Variants in TTC28 observed in about 807,000 individuals in gnomAD.
The protein encoded by TTC28 is tetratricopeptide repeat protein 28.
Under a neutral mutation model 198.0 loss-of-function variants are expected in TTC28, and 61 were observed. That is an observed-to-expected ratio of 0.31 (90% CI 0.25 to 0.38). The LOEUF is 0.38. TTC28 is among the 10% of genes least tolerant of loss of function. The pLI is 1.00. For missense variants in TTC28, 2,678 were observed against 3,164.0 expected (o/e 0.85, Z 3.69); for synonymous variants, 1,171 against 1,297.8 (o/e 0.90, Z 2.10).
At chr22:28,581,927 A>C (rs888724698) in intron 2 of TTC28, among the ~76,000 whole-genome samples, 1 of 152,202 alleles carries the variant, frequency 6.6e-6, no homozygotes, top group Non-Finnish European at 1.5e-5. Flanking sequence ...GACTTTATAG[A>C]CTTTTGAAAC....
intron 2 of TTC28, among the ~76,000 whole-genome samples, chr22:28,509,296 AAC>A (rs1453920405): frequency 6.6e-6 from 1 of 152,216 alleles, no homozygotes; most frequent in Non-Finnish European, 1.5e-5. Flanking sequence ...TTGGATTTAA[AAC>A]AGTCTTCAGC....
At chr22:28,349,495 G>A (rs1326726089) in intron 2 of TTC28, among the ~76,000 whole-genome samples, 1 of 152,112 alleles carries the variant, frequency 6.6e-6, no homozygotes, top group Non-Finnish European at 1.5e-5. Flanking sequence ...AAAGAATACT[G>A]CAGAGAAAGC....
At chr22:28,335,433 A>C (rs1202907594) in intron 2 of TTC28, among the ~76,000 whole-genome samples, 2 of 152,156 alleles carry the variant, frequency 1.3e-5, no homozygotes, top group African/African-American at 4.8e-5. Context: ...TGAATCTATA[A>C]ATTACCTTGG....
intron 2 of TTC28, among the ~76,000 whole-genome samples, chr22:28,313,808 A>G (rs113949461): frequency 0.021 from 3,209 of 152,284 alleles, 31 homozygotes; most frequent in Non-Finnish European, 0.026. Flanking sequence ...GCACAAGACA[A>G]GGATGCCCTC....
intron 12 of TTC28, among the ~76,000 whole-genome samples, chr22:28,060,425 C>T (rs1396284804): frequency 6.6e-6 from 1 of 152,206 alleles, no homozygotes; most frequent in Non-Finnish European, 1.5e-5. Context: ...AGGACATGAA[C>T]TCATCCTTTT....
At chr22:28,180,906 A>G (rs1923631843) in intron 5 of TTC28, among the ~76,000 whole-genome samples, 1 of 152,184 alleles carries the variant, frequency 6.6e-6, no homozygotes, top group African/African-American at 2.4e-5. Flanking sequence ...ATTTACTACC[A>G]TCAATCTAAC....
chr22:28,013,683 C>T (rs1228313428), intron 14 of TTC28, among the ~76,000 whole-genome samples: 1 of 152,182 alleles, frequency 6.6e-6, no homozygotes, highest in African/African-American at 2.4e-5. Flanking sequence ...GGGAAGCATT[C>T]ATTCCCAGTA....
intron 5 of TTC28, among the ~76,000 whole-genome samples, chr22:28,188,496 AT>A: frequency 6.6e-6 from 1 of 152,208 alleles, no homozygotes; most frequent in Admixed American, 6.5e-5. Flanking sequence ...ATATAAACTT[AT>A]ATAAAAAGCA....
intron 5 of TTC28, among the ~76,000 whole-genome samples, chr22:28,266,905 G>C (rs1271321885): frequency 6.6e-6 from 1 of 152,134 alleles, no homozygotes; most frequent in Non-Finnish European, 1.5e-5. Context: ...GACTTCACCA[G>C]AATGACTACA....
At chr22:28,406,326 G>C (rs2046997613) in intron 2 of TTC28, among the ~76,000 whole-genome samples, 1 of 152,192 alleles carries the variant, frequency 6.6e-6, no homozygotes. Flanking sequence ...TTATTAACGA[G>C]ACTAGAATTA....
chr22:28,550,640 G>A (rs1325572656), intron 2 of TTC28, among the ~76,000 whole-genome samples: 1 of 152,000 alleles, frequency 6.6e-6, no homozygotes, highest in Non-Finnish European at 1.5e-5. Flanking sequence ...AGAGAAAAAT[G>A]AAACATTAAA....
intron 12 of TTC28, among the ~76,000 whole-genome samples, chr22:28,040,535 G>A (rs1030144656): frequency 1.3e-5 from 2 of 152,106 alleles, no homozygotes; most frequent in African/African-American, 4.8e-5. Flanking sequence ...AAATTCAACA[G>A]CCCTTCATGC....
chr22:28,610,649 C>T (rs1418742705), intron 2 of TTC28, among the ~76,000 whole-genome samples: 3 of 152,064 alleles, frequency 2.0e-5, no homozygotes, highest in Non-Finnish European at 4.4e-5. Flanking sequence ...TTCCAAAAAC[C>T]AGAACGCCTC....
intron 2 of TTC28, among the ~76,000 whole-genome samples, chr22:28,617,512 G>A (rs1267917532): frequency 1.3e-5 from 2 of 151,786 alleles, no homozygotes; most frequent in African/African-American, 4.8e-5. Context: ...AATAAAGGGG[G>A]CATATGATAT....
rs185095451 is a variant in TTC28 at position 28,486,986 on chromosome 22, C to T, written c.381+142566G>A. On this transcript the variant is annotated intron_variant, in intron 2 of 22. Coordinates refer to ENST00000397906, the MANE Select transcript of TTC28 (RefSeq NM_001145418.2). The stretch of plus-strand genomic sequence containing the variant: ...AATGATCAAAAATCTGAGTACAGTG[C>T]GAGACCTTCTGATGCCAAATGATCC... Among the ~76,000 whole-genome samples, 13 of 152,222 alleles carry T rather than the reference C, an allele frequency of 8.5e-5. No individual in the cohort carries two copies. In the East Asian group the frequency reaches 1.9e-3, roughly 23 times the overall value.
rs66509137 is a variant in TTC28, at chr22:28,310,175, A to ACACACACACAC, written c.382-3533_382-3532insGTGTGTGTGTG. Reference sequence around the variant, plus strand: ...ACACACACACACACACACACACACAAAAAACAAGACAAGAGCACCCTCAAG... The same window carrying ACACACACACAC: ...ACACACACACACACACACACACACAACACACACACACAAAACAAGACAAGAGCACCCTCAAG... On this transcript the variant is annotated intron_variant, in intron 2 of 22. Coordinates refer to ENST00000397906, the MANE Select transcript of TTC28 (RefSeq NM_001145418.2). Among the ~76,000 whole-genome samples the ACACACACACAC allele has an allele frequency of 1.9e-3, 237 of 123,638 alleles. 1 individual carries two copies. The highest frequency in any genetic ancestry group is 2.6e-3 in the Non-Finnish European group (159 of 60,802). The allele number at this position is 123,638 out of a possible 152,430, so 81.1% of individuals were successfully genotyped here.
chr22:28,593,660 TA>T (rs2050481027), intron 2 of TTC28, among the ~76,000 whole-genome samples: 1 of 151,314 alleles, frequency 6.6e-6, no homozygotes, highest in African/African-American at 2.5e-5. Context: ...GCTAGAAGAA[TA>T]GAAGGAAAAC....
chr22:28,195,905 A>C lies in TTC28; in HGVS notation c.934-32306T>G, dbSNP rs572042276. On this transcript the variant is annotated intron_variant, in intron 5 of 22. Coordinates refer to ENST00000397906, the MANE Select transcript of TTC28 (RefSeq NM_001145418.2). ...CAGTGCCATCTCCATTAAGCTACCA[A>C]TGACTTTCTTCACAGAACTGGAAAA... is the stretch of plus-strand genomic sequence containing the variant. Among the ~76,000 whole-genome samples the C allele has an allele frequency of 4.4e-4, 67 of 152,138 alleles. 1 individual carries two copies. The highest frequency in any genetic ancestry group is 6.5e-4 in the Admixed American group (10 of 15,282).
intron 5 of TTC28, among the ~76,000 whole-genome samples, chr22:28,225,262 G>A (rs929922296): frequency 1.3e-5 from 2 of 151,936 alleles, no homozygotes; most frequent in Non-Finnish European, 2.9e-5. Context: ...GGCTGAGGCA[G>A]AAGAATTGCT....
Sources: gnomAD v4.1 joint callset for allele counts (sites outside exome capture counted in the v4.1 genomes callset) on GRCh38, gnomAD v4.1.1 for gene constraint, MANE v1.5 for transcripts, NCBI Gene and HGNC (gene_info 2026-07-23, HGNC 2026-07-21) for gene names.